The following VWC2 variants were observed in gnomAD, a reference collection of about 807,000 sequenced individuals.
VWC2 encodes brorin.
A neutral mutation model predicts 29.8 loss-of-function variants in VWC2; 14 were observed. That is an observed-to-expected ratio of 0.47 (90% CI 0.31 to 0.74). The LOEUF (loss-of-function observed/expected upper bound fraction) is 0.74. Among genes scored for constraint, VWC2 ranks in the 30% least tolerant of loss-of-function variants. The probability of loss-of-function intolerance (pLI) is 0.05; values close to 1 mark genes in which losing one functional copy is unlikely to be tolerated. For synonymous variants in VWC2, 213 were observed against 199.0 expected, an observed-to-expected ratio of 1.07 and a Z score of -0.59; for missense variants, 457 against 459.8, an observed-to-expected ratio of 0.99 and a Z score of 0.05.
chr7:49,809,854 C>T (rs931702396), intron 3 of VWC2, among the ~76,000 whole-genome samples: 1 of 151,926 alleles, frequency 6.6e-6, no homozygotes, highest in Admixed American at 6.6e-5. Context: ...ACAAACTAGG[C>T]ATAAAAGGGA....
chr7:49,797,896 T>G (rs1006568516), intron 2 of VWC2, among the ~76,000 whole-genome samples: 1 of 152,200 alleles, frequency 6.6e-6, no homozygotes, highest in African/African-American at 2.4e-5. Flanking sequence ...CTTGGAAGAT[T>G]GTGAAGAATG....
intron 3 of VWC2, among the ~76,000 whole-genome samples, chr7:49,902,068 T>C (rs986752131): frequency 7.2e-4 from 110 of 151,968 alleles, no homozygotes; most frequent in African/African-American, 2.0e-3. Flanking sequence ...ATGTAAATCA[T>C]AGAACCATAA....
rs1243851485 is a variant in VWC2 at position 49,915,134 on chromosome 7, T to C, written c.*2949T>C. 1 of 152,212 alleles carries C rather than the reference T, an allele frequency of 6.6e-6. No individual in the cohort carries two copies. The highest frequency in any genetic ancestry group is 1.5e-5 in the Non-Finnish European group (1 of 68,036). 9.4% of individuals were successfully genotyped at this position (152,212 alleles called of 1,614,324 possible). A position where few individuals can be genotyped will look rare whatever the true frequency, so the allele number is the denominator to read the frequency against. The stretch of plus-strand genomic sequence containing the variant: ...TTTCAGTGATAGGATATTTACTTGT[T>C]GGGTGGATTAACAATACTTTTTATT... On this transcript the variant is annotated 3_prime_UTR_variant, in exon 4 of 4. Transcript: ENST00000340652.
At chr7:49,844,583 G>T (rs1789875196) in intron 3 of VWC2, among the ~76,000 whole-genome samples, 1 of 152,220 alleles carries the variant, frequency 6.6e-6, no homozygotes, top group Non-Finnish European at 1.5e-5. Context: ...GAAAGGTAAT[G>T]CAGCATGGAA....
intron 3 of VWC2, among the ~76,000 whole-genome samples, chr7:49,881,205 AGAG>A (rs1475560209): frequency 6.6e-6 from 1 of 152,092 alleles, no homozygotes; most frequent in Non-Finnish European, 1.5e-5. Context: ...GCTTGAGCCG[AGAG>A]GAGGAGAGTC....
intron 2 of VWC2, among the ~76,000 whole-genome samples, chr7:49,788,900 G>A (rs1788377154): frequency 6.7e-6 from 1 of 149,072 alleles, no homozygotes; most frequent in African/African-American, 2.5e-5. Flanking sequence ...TGGAGTGAGT[G>A]TGGGTGTGAG....
chr7:49,856,757 GT>G (rs1490225789), intron 3 of VWC2, among the ~76,000 whole-genome samples: 1 of 152,044 alleles, frequency 6.6e-6, no homozygotes, highest in African/African-American at 2.4e-5. Flanking sequence ...GTAAGAACAC[GT>G]AACATGATTG....
intron 3 of VWC2, among the ~76,000 whole-genome samples, chr7:49,894,483 A>T (rs921617698): frequency 6.6e-6 from 1 of 152,250 alleles, no homozygotes; most frequent in African/African-American, 2.4e-5. Context: ...TGTTATAAAA[A>T]TCCAAAACAT....
At chr7:49,783,828 T>A (rs1027597940) in intron 2 of VWC2, among the ~76,000 whole-genome samples, 1 of 151,876 alleles carries the variant, frequency 6.6e-6, no homozygotes, top group African/African-American at 2.4e-5. Flanking sequence ...GCTGGGAGGA[T>A]CACTTGAGCC....
chr7:49,875,395 A>AAAAAAAAAAC (rs1562746141), intron 3 of VWC2, among the ~76,000 whole-genome samples: 2 of 149,594 alleles, frequency 1.3e-5, no homozygotes, highest in African/African-American at 5.0e-5. Context: ...AAAAAAAAAA[A>AAAAAAAAAAC]AACAGGAATA....
chr7:49,883,751 A>G (rs1398717041), intron 3 of VWC2, among the ~76,000 whole-genome samples: 2 of 152,230 alleles, frequency 1.3e-5, no homozygotes, highest in South Asian at 2.1e-4. Flanking sequence ...TTTTGGCTTT[A>G]AAGTTTCTAA....
intron 2 of VWC2, among the ~76,000 whole-genome samples, chr7:49,798,089 G>T (rs1407319951): frequency 6.6e-6 from 1 of 152,230 alleles, no homozygotes; most frequent in African/African-American, 2.4e-5. Context: ...CCTGCTGCTG[G>T]TTGCAGAGTA....
intron 3 of VWC2, among the ~76,000 whole-genome samples, chr7:49,842,312 G>C (rs1046365769): frequency 1.3e-5 from 2 of 152,084 alleles, no homozygotes; most frequent in Non-Finnish European, 2.9e-5. Flanking sequence ...GAAATAAAAA[G>C]AAACCTAAAA....
chr7:49,800,996 C>T (rs908358931), intron 2 of VWC2, among the ~76,000 whole-genome samples: 1 of 152,078 alleles, frequency 6.6e-6, no homozygotes, highest in Non-Finnish European at 1.5e-5. Flanking sequence ...TCAGGCTACA[C>T]TAAAGTTTTT....
chr7:49,873,620 T>A (rs1791272983), intron 3 of VWC2, among the ~76,000 whole-genome samples: 2 of 152,196 alleles, frequency 1.3e-5, no homozygotes, highest in African/African-American at 4.8e-5. Context: ...TTTGCCAGTA[T>A]ATTTTAGAAT....
chr7:49,775,281 C>G, intron 1 of VWC2, 52 bp from the exon 2 acceptor site: 133 of 340,226 alleles, frequency 3.9e-4, no homozygotes, highest in Middle Eastern at 9.3e-4. Flanking sequence ...CCGCGGCGGG[C>G]CGGGGCGCGC....
At chr7:49,863,087 C>G (rs1398243957) in intron 3 of VWC2, among the ~76,000 whole-genome samples, 1 of 152,200 alleles carries the variant, frequency 6.6e-6, no homozygotes, top group African/African-American at 2.4e-5. Flanking sequence ...GTGAAACCAT[C>G]TGGTCCTGAA....
At chr7:49,907,242 A>C (rs1483075) in intron 3 of VWC2, among the ~76,000 whole-genome samples, 4,359 of 152,304 alleles carry the variant, frequency 0.029, 232 homozygotes, top group African/African-American at 0.099. Flanking sequence ...AATGATTGAC[A>C]TAATGGCTGG....
intron 3 of VWC2, among the ~76,000 whole-genome samples, chr7:49,860,740 G>A (rs1266949345): frequency 6.6e-6 from 1 of 152,178 alleles, no homozygotes; most frequent in African/African-American, 2.4e-5. Context: ...AGTCATTAAA[G>A]ATGTAATTAA....
Sources: allele counts gnomAD v4.1 joint callset (sites outside exome capture counted in the v4.1 genomes callset), GRCh38; gene constraint gnomAD v4.1.1; transcripts MANE v1.5; gene names NCBI Gene and HGNC (gene_info 2026-07-23, HGNC 2026-07-21).